Variants in PHF12 observed in about 807,000 individuals in gnomAD.
PHF12 encodes PHD finger protein 12, also known as PHD factor 1.
In PHF12, 6 loss-of-function variants were observed where a neutral mutation model predicts 99.8. The ratio of observed to expected loss-of-function variants is 0.06; its 90% confidence interval spans 0.03 to 0.12. The LOEUF (loss-of-function observed/expected upper bound fraction) is 0.12, where lower values mean the gene tolerates loss of function less well. Among genes scored for constraint, PHF12 ranks in the 10% least tolerant of loss-of-function variants. PHF12 has a pLI of 1.00. For missense variants in PHF12, 954 were observed against 1,300.1 expected (o/e 0.73, Z 4.09); for synonymous variants, 480 against 514.9 (o/e 0.93, Z 0.92).
At chr17:28,931,523 C>T (rs370288927) in intron 2 of PHF12, among the ~76,000 whole-genome samples, 75 of 151,752 alleles carry the variant, frequency 4.9e-4, no homozygotes, top group African/African-American at 1.7e-3. Context: ...TCCCAAAGTA[C>T]TGGGATTACA....
chr17:28,913,791 G>T, intron 8 of PHF12, 88 bp downstream of exon 8: 1 of 1,513,414 alleles, frequency 6.6e-7, no homozygotes. Flanking sequence ...GGACTGGAAT[G>T]AGAATGACAC....
Position 28,906,297 on chromosome 17 carries a change from A to G in PHF12, c.2901T>C (p.Phe967=). 1 of 1,614,220 alleles carries G rather than the reference A, an allele frequency of 6.2e-7. No homozygotes were observed. Residue 967 remains phenylalanine (F), a synonymous_variant, in exon 15 of 15, where the codon TTT becomes TTC. Coordinates refer to ENST00000332830, the MANE Select transcript of PHF12 (RefSeq NM_001033561.2). This position sits in a 1 kb window ranked among gnomAD's most constrained non-coding sequence, Gnocchi z 4.2. ...CATCGCCTTTGGGCTGTTTGGTCGC[A>G]AACTCAGTGATGCTGAAGACAAACT... ...CLQFVFSITE[F]ATKQPKGDAS...
At chr17:28,936,912 G>T (rs1598154888) in intron 2 of PHF12, among the ~76,000 whole-genome samples, 2 of 152,258 alleles carry the variant, frequency 1.3e-5, no homozygotes, top group Middle Eastern at 6.8e-3. Flanking sequence ...CTCTCCCTCA[G>T]ACTGGCCCTG....
intron 6 of PHF12, 42 bp from the exon 7 acceptor site, chr17:28,917,491 G>A: frequency 1.9e-6 from 3 of 1,557,262 alleles, no homozygotes; most frequent in Non-Finnish European, 2.6e-6. Context: ...AGCCTCAAAA[G>A]GCACCTCCTA....
At chr17:28,910,172 C>T (rs758780197) in intron 11 of PHF12, 54 bp downstream of exon 11, 7 of 1,612,554 alleles carry the variant, frequency 4.3e-6, no homozygotes, top group African/African-American at 2.7e-5. Context: ...GGTGACCATT[C>T]GCACACGTAG....
chr17:28,943,906 C>T (rs1469706699), intron 2 of PHF12, among the ~76,000 whole-genome samples: 1 of 152,230 alleles, frequency 6.6e-6, no homozygotes, highest in African/African-American at 2.4e-5. Flanking sequence ...TGTACTTTCA[C>T]TCAGGTTAGC....
At chr17:28,910,133 C>T in intron 11 of PHF12, 93 bp downstream of exon 11, 1 of 1,568,322 alleles carries the variant, frequency 6.4e-7, no homozygotes, top group Admixed American at 1.7e-5. Flanking sequence ...GTTTGAGATA[C>T]TGGAAGCTCA....
chr17:28,932,988 C>CA (rs1267251058), intron 2 of PHF12, among the ~76,000 whole-genome samples: 4 of 152,132 alleles, frequency 2.6e-5, no homozygotes, highest in Non-Finnish European at 4.4e-5. Context: ...ATGGTATTCC[C>CA]ATAAGCCTAG....
At position 28,924,318 on chromosome 17, in the gene PHF12, G is replaced by A. The variant is rs778429189; in HGVS notation, c.322-16C>T. ...GCTCTCGTTTCTGTGCAAATGAACA[G>A]GTGGGCCCATCATGAAAAGTACCAT... On this transcript the variant is annotated splice_polypyrimidine_tract_variant and intron_variant, in intron 3 of 14. Transcript: ENST00000332830. The A allele has an allele frequency of 6.2e-7, 1 of 1,614,114 alleles. No individual in the cohort carries two copies. Among genetic ancestry groups the A allele is most frequent in the Non-Finnish European group, 8.5e-7 (1 of 1,180,034 alleles).
chr17:28,933,390 C>T (rs1434105812), intron 2 of PHF12, among the ~76,000 whole-genome samples: 1 of 152,176 alleles, frequency 6.6e-6, no homozygotes, highest in East Asian at 1.9e-4. Flanking sequence ...TTCTTATTCC[C>T]ATCATACAGG....
intron 5 of PHF12, among the ~76,000 whole-genome samples, chr17:28,919,843 C>T (rs1438517647): frequency 6.6e-6 from 1 of 152,182 alleles, no homozygotes; most frequent in Admixed American, 6.5e-5. Flanking sequence ...AAGAACATGT[C>T]TTGCGGGAAA....
chr17:28,951,163 G>T lies in PHF12; in HGVS notation c.-203C>A, dbSNP rs988782448. 3.2e-5 allele frequency: 46 copies of T among 1,427,708 alleles called. No homozygotes were observed. The highest frequency in any genetic ancestry group is 4.2e-5 in the Non-Finnish European group (46 of 1,095,626). 88.4% of individuals were successfully genotyped at this position (1,427,708 alleles called of 1,614,324 possible). On this transcript the variant is annotated 5_prime_UTR_variant, in exon 1 of 15. Coordinates refer to ENST00000332830, the MANE Select transcript of PHF12 (RefSeq NM_001033561.2). ...GTCCTCCCGACGGGCCGCGAGGGGG[G>T]AGCGGCCCCTCAGTCCCGGCCCGGC...
rs978988011 is a variant in PHF12 at position 28,905,997 on chromosome 17, T to C, written c.*186A>G. 7.8e-6 allele frequency: 5 copies of C among 639,508 alleles called. No individual in the cohort carries two copies. Among genetic ancestry groups the C allele is most frequent in the African/African-American group, 5.5e-5 (3 of 54,310 alleles). 39.6% of individuals were successfully genotyped at this position (639,508 alleles called of 1,614,324 possible). A position where few individuals can be genotyped will look rare whatever the true frequency, so the allele number is the denominator to read the frequency against. ...TACAAATATATGTGCAAATGCCCCC[T>C]AGAACTTGAGAAAAGAAAAAGGATT... is the stretch of plus-strand genomic sequence containing the variant. On this transcript the variant is annotated 3_prime_UTR_variant, in exon 15 of 15. Coordinates refer to ENST00000332830, the MANE Select transcript of PHF12 (RefSeq NM_001033561.2).
intron 2 of PHF12, among the ~76,000 whole-genome samples, chr17:28,948,439 C>T (rs1057445488): frequency 2.4e-4 from 37 of 152,256 alleles, no homozygotes; most frequent in African/African-American, 7.2e-5. Context: ...CTAAAAACCA[C>T]AGACCCTTAG....
intron 2 of PHF12, among the ~76,000 whole-genome samples, chr17:28,937,939 G>A (rs2040538494): frequency 6.6e-6 from 1 of 152,094 alleles, no homozygotes; most frequent in Admixed American, 6.6e-5. Flanking sequence ...GGCCTCAACG[G>A]TAATTTTCTC....
chr17:28,951,138 G>A lies in PHF12; in HGVS notation c.-178C>T. The A allele has an allele frequency of 7.0e-7, 1 of 1,432,652 alleles. No individual in the cohort carries two copies. 88.7% of individuals were successfully genotyped at this position (1,432,652 alleles called of 1,614,324 possible). On this transcript the variant is annotated 5_prime_UTR_variant, in exon 1 of 15. It adds an upstream start codon to the 5' untranslated region. Coordinates refer to ENST00000332830, the MANE Select transcript of PHF12 (RefSeq NM_001033561.2). ...GGCCCCCAGTCCCCGGGACGACAGCGTCCTCCCGACGGGCCGCGAGGGGGG... is the reference window on the plus strand; with the variant it reads ...GGCCCCCAGTCCCCGGGACGACAGCATCCTCCCGACGGGCCGCGAGGGGGG...
chr17:28,919,059 A>T lies in PHF12; in HGVS notation c.969+84T>A, dbSNP rs534208718. On this transcript the variant is annotated intron_variant, in intron 6 of 14. Transcript: ENST00000332830. ...ATGACAATGTGGTGAACTTGGCACC[A>T]AGCTGACCTTAATATGCTTTCTGCT... is the stretch of plus-strand genomic sequence containing the variant. 1.4e-5 allele frequency: 21 copies of T among 1,494,726 alleles called. No homozygotes were observed. The South Asian group carries it at 2.5e-4, about 17-fold the overall frequency. 92.6% of individuals were successfully genotyped at this position (1,494,726 alleles called of 1,614,324 possible).
chr17:28,908,715 TG>T, intron 12 of PHF12, 67 bp downstream of exon 12: 1 of 1,496,424 alleles, frequency 6.7e-7, no homozygotes, highest in South Asian at 1.2e-5. Context: ...CTAACTTCTG[TG>T]GGTAAGGGTG....
At position 28,951,018 on chromosome 17, in the gene PHF12, G is replaced by A; in HGVS notation, c.-58C>T. ...CCGGCCCCCCCAACCCCGGGGGGAG[G>A]GGGGAGGTGAGGGGAGGGGGCGCTC... On this transcript the variant is annotated 5_prime_UTR_variant, in exon 1 of 15. Coordinates refer to ENST00000332830, the MANE Select transcript of PHF12 (RefSeq NM_001033561.2). The A allele has an allele frequency of 6.2e-7, 1 of 1,610,090 alleles. No homozygotes were observed. The highest frequency in any genetic ancestry group is 8.5e-7 in the Non-Finnish European group (1 of 1,177,862).
Sources: gnomAD v4.1 joint callset for allele counts (sites outside exome capture counted in the v4.1 genomes callset) on GRCh38, gnomAD v4.1.1 for gene constraint, Gnocchi (gnomAD v3.1) non-coding constraint, MANE v1.5 for transcripts, NCBI Gene and HGNC (gene_info 2026-07-23, HGNC 2026-07-21) for gene names.